Variants in EIF2B3 observed in about 807,000 individuals in gnomAD.
The protein encoded by EIF2B3 is eukaryotic translation initiation factor 2B subunit gamma, also known as translation initiation factor eIF2B subunit gamma.
Under a neutral mutation model 54.1 loss-of-function variants are expected in EIF2B3, and 20 were observed. The observed-to-expected ratio is 0.37, with a 90% CI of 0.26 to 0.54. The LOEUF (loss-of-function observed/expected upper bound fraction) is 0.54. EIF2B3 is among the 20% of genes least tolerant of loss of function. EIF2B3 has a pLI of 0.86. For synonymous variants in EIF2B3, 153 were observed against 188.1 expected (o/e 0.81, Z 1.52); for missense variants, 448 against 547.8 (o/e 0.82, Z 1.82).
chr1:44,898,718 G>C lies in EIF2B3; in HGVS notation c.567-1274C>G, dbSNP rs115416488. The stretch of plus-strand genomic sequence containing the variant: ...TTAGAGACAGGGTCTTGCTCTGACT[G>C]GAGATAGCCACTTGCCTAGGCTGGA... On this transcript the variant is annotated intron_variant, in intron 5 of 11. Transcript: ENST00000360403. 2.4e-3 allele frequency among the ~76,000 whole-genome samples: 358 copies of C among 152,248 alleles called. 2 individuals are homozygous for C. The highest frequency in any genetic ancestry group is 8.3e-3 in the African/African-American group (344 of 41,556).
rs182452044 is a variant in EIF2B3, at chr1:44,921,189, T to C, written c.566+5439A>G. ...CTGCTTGGCATTTATTTGTATGACT[T>C]CTTTTGAGAAATGTCTATTCAAATC... is the stretch of plus-strand genomic sequence containing the variant. On this transcript the variant is annotated intron_variant, in intron 5 of 11. Coordinates refer to ENST00000360403, the MANE Select transcript of EIF2B3 (RefSeq NM_020365.5). Among the ~76,000 whole-genome samples, 21 of 152,378 alleles carry C rather than the reference T, an allele frequency of 1.4e-4. No homozygotes were observed. The East Asian group carries it at 3.9e-3, about 28-fold the overall frequency.
At chr1:44,961,871 C>T (rs905006170) in intron 3 of EIF2B3, among the ~76,000 whole-genome samples, 4 of 152,030 alleles carry the variant, frequency 2.6e-5, no homozygotes, top group African/African-American at 9.7e-5. Flanking sequence ...GTTCTTTTCA[C>T]CACATCACCC....
intron 5 of EIF2B3, among the ~76,000 whole-genome samples, chr1:44,907,156 C>T (rs1453949011): frequency 6.6e-6 from 1 of 152,220 alleles, no homozygotes; most frequent in African/African-American, 2.4e-5. Context: ...AATACCTTCC[C>T]TTACTTGGTC....
intron 5 of EIF2B3, among the ~76,000 whole-genome samples, chr1:44,914,599 T>G (rs934683258): frequency 2.6e-4 from 40 of 152,354 alleles, no homozygotes; most frequent in African/African-American, 9.4e-4. Context: ...TGAAAAAAGA[T>G]GTACTTATTT....
At chr1:44,959,874 T>C (rs911851910) in intron 3 of EIF2B3, among the ~76,000 whole-genome samples, 2 of 152,254 alleles carry the variant, frequency 1.3e-5, no homozygotes, top group Admixed American at 1.3e-4. Flanking sequence ...GTGTTGTTTA[T>C]GCCTTAAGTA....
At position 44,894,265 on chromosome 1, in the gene EIF2B3, C is replaced by A. The variant is rs549218538; in HGVS notation, c.656+3090G>T. On this transcript the variant is annotated intron_variant, in intron 6 of 11. Transcript: ENST00000360403. ...GAGATTCTGTGGAACATTCATCTAT[C>A]ATACTACACTCAGAAGTGGATAAAA... Among the ~76,000 whole-genome samples the A allele has an allele frequency of 5.3e-5, 8 of 152,308 alleles. No homozygotes were observed. The South Asian group carries it at 1.7e-3, about 32-fold the overall frequency.
At chr1:44,965,985 T>C (rs1644334590) in intron 3 of EIF2B3, among the ~76,000 whole-genome samples, 1 of 152,024 alleles carries the variant, frequency 6.6e-6, no homozygotes, top group Non-Finnish European at 1.5e-5. Context: ...CTGTAAAGCG[T>C]AGTTAAAAGC....
At chr1:44,872,045 T>C (rs866111074) in intron 10 of EIF2B3, among the ~76,000 whole-genome samples, 28 of 152,042 alleles carry the variant, frequency 1.8e-4, no homozygotes, top group African/African-American at 5.6e-4. Flanking sequence ...TATATGTATG[T>C]ATTTTAAGGC....
At chr1:44,928,809 A>G (rs1031948798) in intron 4 of EIF2B3, among the ~76,000 whole-genome samples, 4 of 152,198 alleles carry the variant, frequency 2.6e-5, no homozygotes, top group African/African-American at 9.6e-5. Context: ...ACAGTGTTAC[A>G]TACTTAATAA....
At chr1:44,950,809 T>C (rs1184877462) in intron 3 of EIF2B3, among the ~76,000 whole-genome samples, 1 of 152,110 alleles carries the variant, frequency 6.6e-6, no homozygotes, top group Non-Finnish European at 1.5e-5. Flanking sequence ...GTGCCTCAGC[T>C]TCCAGAGTAG....
At chr1:44,859,637 G>A (rs1462054545) in intron 10 of EIF2B3, among the ~76,000 whole-genome samples, 1 of 151,638 alleles carries the variant, frequency 6.6e-6, no homozygotes, top group African/African-American at 2.4e-5. Context: ...TAGCCTGGGC[G>A]ACAAGAGCAA....
At chr1:44,970,989 T>TG (rs946173517) in intron 3 of EIF2B3, among the ~76,000 whole-genome samples, 9 of 152,114 alleles carry the variant, frequency 5.9e-5, no homozygotes, top group African/African-American at 2.2e-4. Flanking sequence ...GTAAATGATG[T>TG]GGGGGAACGG....
chr1:44,883,550 A>G (rs1256160054), intron 6 of EIF2B3, among the ~76,000 whole-genome samples: 1 of 152,144 alleles, frequency 6.6e-6, no homozygotes, highest in Non-Finnish European at 1.5e-5. Flanking sequence ...GGCTCAGCAG[A>G]GGACTGGTTT....
intron 3 of EIF2B3, among the ~76,000 whole-genome samples, chr1:44,945,881 A>G (rs189111198): frequency 1.3e-5 from 2 of 152,262 alleles, no homozygotes; most frequent in Admixed American, 6.5e-5. Flanking sequence ...TTGCAAGTTT[A>G]CTGATCTACA....
At chr1:44,968,529 G>A (rs1311759578) in intron 3 of EIF2B3, among the ~76,000 whole-genome samples, 2 of 152,118 alleles carry the variant, frequency 1.3e-5, no homozygotes, top group Non-Finnish European at 2.9e-5. Flanking sequence ...AAAGGACCAA[G>A]TCACTCATAA....
chr1:44,944,495 A>G (rs1489547508), intron 3 of EIF2B3, among the ~76,000 whole-genome samples: 2 of 129,894 alleles, frequency 1.5e-5, no homozygotes, highest in Admixed American at 1.5e-4. Flanking sequence ...ATGCTGTCTC[A>G]AAAAAAAAAA....
At chr1:44,982,645 T>C (rs555086645) in intron 1 of EIF2B3, among the ~76,000 whole-genome samples, 2 of 151,928 alleles carry the variant, frequency 1.3e-5, no homozygotes, top group East Asian at 3.9e-4. Flanking sequence ...CATTGCCCAG[T>C]CTGGAAGTGC....
chr1:44,972,466 G>A (rs1170434054), intron 3 of EIF2B3: 1 of 152,218 alleles, frequency 6.6e-6, no homozygotes, highest in Admixed American at 6.6e-5. Context: ...GCTGGGTGTG[G>A]TGGCGCATGC....
At chr1:44,963,838 T>C (rs562423654) in intron 3 of EIF2B3, among the ~76,000 whole-genome samples, 20 of 152,318 alleles carry the variant, frequency 1.3e-4, no homozygotes, top group Non-Finnish European at 2.4e-4. Flanking sequence ...GTCTGTGTTA[T>C]CACAGTTGCT....
Sources: allele counts gnomAD v4.1 joint callset (sites outside exome capture counted in the v4.1 genomes callset), GRCh38; gene constraint gnomAD v4.1.1; transcripts MANE v1.5; gene names NCBI Gene and HGNC (gene_info 2026-07-23, HGNC 2026-07-21).